Variants in EPB41L5 observed in about 807,000 individuals in gnomAD.
EPB41L5 encodes band 4.1-like protein 5.
A neutral mutation model predicts 106.6 loss-of-function variants in EPB41L5; 55 were observed. That is an observed-to-expected ratio of 0.52 (90% CI 0.42 to 0.65). EPB41L5 has a LOEUF of 0.65. EPB41L5 is among the 30% of genes least tolerant of loss of function. The pLI is 0.00. For synonymous variants in EPB41L5, 297 were observed against 306.7 expected (o/e 0.97, Z 0.33); for missense variants, 871 against 882.1 (o/e 0.99, Z 0.16).
chr2:120,052,448 T>C (rs1014006483), intron 3 of EPB41L5, among the ~76,000 whole-genome samples: 1 of 152,252 alleles, frequency 6.6e-6, no homozygotes, highest in African/African-American at 2.4e-5. Context: ...CTCACCACTA[T>C]GAAGTTATTC....
intron 2 of EPB41L5, among the ~76,000 whole-genome samples, chr2:120,030,882 T>C (rs1678660216): frequency 6.6e-6 from 1 of 150,926 alleles, no homozygotes; most frequent in Non-Finnish European, 1.5e-5. Flanking sequence ...TATTAATTAA[T>C]TAATTTATTT....
intron 14 of EPB41L5, among the ~76,000 whole-genome samples, chr2:120,096,558 G>A (rs767935132): frequency 6.6e-6 from 1 of 152,180 alleles, no homozygotes; most frequent in East Asian, 1.9e-4. Context: ...GGGAGGCCAA[G>A]GCAGGCAGAT....
chr2:120,088,690 A>G (rs1683224992), intron 11 of EPB41L5, among the ~76,000 whole-genome samples: 1 of 152,020 alleles, frequency 6.6e-6, no homozygotes, highest in East Asian at 1.9e-4. Context: ...AGTATTTAAT[A>G]CGAGTTTATA....
At chr2:120,024,451 G>C (rs868622351) in intron 2 of EPB41L5, among the ~76,000 whole-genome samples, 5 of 151,890 alleles carry the variant, frequency 3.3e-5, no homozygotes, top group African/African-American at 9.7e-5. Context: ...GTGGTTTTTT[G>C]TGTGTGTGTT....
intron 7 of EPB41L5, among the ~76,000 whole-genome samples, chr2:120,076,449 T>A (rs1327596218): frequency 2.0e-5 from 3 of 148,852 alleles, no homozygotes; most frequent in Non-Finnish European, 4.4e-5. Flanking sequence ...TACAGGCCAT[T>A]AGGCCTGGCT....
intron 23 of EPB41L5, 61 bp downstream of exon 23, chr2:120,167,568 A>G (rs1211348742): frequency 4.0e-6 from 6 of 1,512,176 alleles, no homozygotes; most frequent in Admixed American, 1.8e-5. Context: ...GGCCTAAAGG[A>G]TTACTAGGTT....
chr2:120,090,585 C>G (rs562644155), intron 12 of EPB41L5, 69 bp downstream of exon 12: 1 of 1,383,584 alleles, frequency 7.2e-7, no homozygotes, highest in Admixed American at 2.1e-5. Flanking sequence ...CCAATCTTCT[C>G]TTTTTTACAG....
intron 3 of EPB41L5, among the ~76,000 whole-genome samples, chr2:120,042,844 T>C (rs904263749): frequency 6.6e-6 from 1 of 152,080 alleles, no homozygotes; most frequent in Non-Finnish European, 1.5e-5. Flanking sequence ...TGTAGAGATA[T>C]GTAGGATTTG....
At chr2:120,050,136 T>C (rs556808335) in intron 3 of EPB41L5, among the ~76,000 whole-genome samples, 3 of 152,186 alleles carry the variant, frequency 2.0e-5, no homozygotes, top group Non-Finnish European at 2.9e-5. Context: ...CTGACAATTA[T>C]ATGTCTTGGA....
At chr2:120,100,907 G>A in intron 16 of EPB41L5, 93 bp downstream of exon 16, 1 of 803,508 alleles carries the variant, frequency 1.2e-6, no homozygotes, top group South Asian at 1.8e-5. Flanking sequence ...AAATATGATT[G>A]AAAGCAAATT....
rs1185422418 is a variant in EPB41L5 at position 120,075,486 on chromosome 2, G to C, written c.418G>C (p.Val140Leu). The change falls in exon 6 of 25, where the codon GTT becomes CTT. Residue 140 changes from valine (V) to leucine (L), a missense_variant. Coordinates refer to ENST00000263713, the MANE Select transcript of EPB41L5 (RefSeq NM_020909.4). ...TTTCATTTTTCTTAGGTATTTATTT[G>C]TTCTTCAGTTAAAACAAGATATTCT... ...LREELTRYLF[V>L]LQLKQDILSG... is the part of the protein sequence containing the mutation. The C allele has an allele frequency of 6.7e-7, 1 of 1,482,184 alleles. No homozygotes were observed. Among genetic ancestry groups the C allele is most frequent in the Middle Eastern group, 1.8e-4 (1 of 5,712 alleles). The allele number at this position is 1,482,184 out of a possible 1,614,324, so 91.8% of individuals were successfully genotyped here.
intron 3 of EPB41L5, 86 bp from the exon 4 acceptor site, chr2:120,073,092 G>A: frequency 8.5e-7 from 1 of 1,181,834 alleles, no homozygotes; most frequent in Admixed American, 2.0e-5. Flanking sequence ...ATCAGTGTAG[G>A]CACAATGAAA....
At chr2:120,056,629 G>T (rs1284931244) in intron 3 of EPB41L5, among the ~76,000 whole-genome samples, 4 of 151,226 alleles carry the variant, frequency 2.6e-5, no homozygotes, top group Admixed American at 2.6e-4. Flanking sequence ...TGATTATTTT[G>T]GTACTATATT....
chr2:120,042,995 A>ATGTGTGTGTG (rs60253351), intron 3 of EPB41L5, among the ~76,000 whole-genome samples: 179 of 70,096 alleles, frequency 2.6e-3, no homozygotes, highest in African/African-American at 6.4e-3. Flanking sequence ...TTTTCTGGAA[A>ATGTGTGTGTG]TGTGTGTGTG....
chr2:120,127,594 A>T, intron 16 of EPB41L5, 94 bp from the exon 17 acceptor site: 1 of 950,032 alleles, frequency 1.1e-6, no homozygotes, highest in South Asian at 2.4e-5. Flanking sequence ...GAATTCACAG[A>T]TGTGGTGGAA....
intron 2 of EPB41L5, among the ~76,000 whole-genome samples, chr2:120,031,386 G>T (rs1395219136): frequency 6.6e-6 from 1 of 152,192 alleles, no homozygotes; most frequent in Non-Finnish European, 1.5e-5. Flanking sequence ...TTGCAAAGAG[G>T]AGGTGAAGTG....
chr2:120,014,179 TGTG>T (rs923827692), intron 1 of EPB41L5, among the ~76,000 whole-genome samples: 5 of 152,240 alleles, frequency 3.3e-5, no homozygotes, highest in African/African-American at 7.2e-5. Context: ...CCAACCATAT[TGTG>T]GCCACCAGTC....
chr2:120,028,327 G>T (rs1161935717), intron 2 of EPB41L5, among the ~76,000 whole-genome samples: 2 of 152,028 alleles, frequency 1.3e-5, no homozygotes, highest in Non-Finnish European at 2.9e-5. Context: ...CTTGAGTCCA[G>T]GAGTTTGACT....
intron 17 of EPB41L5, among the ~76,000 whole-genome samples, chr2:120,128,711 T>G (rs1685564337): frequency 2.0e-5 from 3 of 151,934 alleles, no homozygotes; most frequent in South Asian, 4.1e-4. Flanking sequence ...CATCATGGTT[T>G]TTTTTTTTTT....
Sources: gnomAD v4.1 joint callset for allele counts (sites outside exome capture counted in the v4.1 genomes callset) on GRCh38, gnomAD v4.1.1 for gene constraint, MANE v1.5 for transcripts, NCBI Gene and HGNC (gene_info 2026-07-23, HGNC 2026-07-21) for gene names.